Variants in CSKMT observed in about 807,000 individuals in gnomAD.
The protein encoded by CSKMT is citrate synthase-lysine N-methyltransferase CSKMT, mitochondrial.
Under a neutral mutation model 4.6 loss-of-function variants are expected in CSKMT, and 6 were observed. The observed-to-expected ratio is 1.31, with a 90% CI of 0.72 to 2.59. CSKMT has a LOEUF of 2.59. Ranked by LOEUF, CSKMT falls within the 30% of genes most tolerant of loss-of-function variation. The pLI, the probability that CSKMT is intolerant of heterozygous loss-of-function variation, is 0.00. For synonymous variants in CSKMT, 142 were observed against 128.9 expected (o/e 1.10, Z -0.69); for missense variants, 328 against 298.0 (o/e 1.10, Z -0.74).
At position 62,667,460 on chromosome 11, in the gene CSKMT, G is replaced by C. The variant is rs1251797706; in HGVS notation, c.*409G>C. On this transcript the variant is annotated 3_prime_UTR_variant, in exon 3 of 3. Coordinates refer to ENST00000532971, the MANE Select transcript of CSKMT (RefSeq NM_001043229.2). ...CACCTGTAAAAGGAGATTGTAAGAG[G>C]ATGGGTATAAGGAGCTTCATAAACC... The C allele has an allele frequency of 1.3e-6, 2 of 1,518,170 alleles. No homozygotes were observed. The highest frequency in any genetic ancestry group is 1.8e-6 in the Non-Finnish European group (2 of 1,093,178). 94.0% of individuals were successfully genotyped at this position (1,518,170 alleles called of 1,614,324 possible).
Position 62,665,674 on chromosome 11 carries a change from A to G in CSKMT, c.-206A>G. On this transcript the variant is annotated 5_prime_UTR_variant, in exon 2 of 3. Coordinates refer to ENST00000532971, the MANE Select transcript of CSKMT (RefSeq NM_001043229.2). ...CTGCGGACGCTGTATACCCTCCTCC[A>G]CTTCCCGCTGCAGCCAATAAAGGCC... 1 of 1,461,646 alleles carries G rather than the reference A, an allele frequency of 6.8e-7. No individual in the cohort carries two copies. The highest frequency in any genetic ancestry group is 9.0e-7 in the Non-Finnish European group (1 of 1,108,086). The allele number at this position is 1,461,646 out of a possible 1,614,324, so 90.5% of individuals were successfully genotyped here. A position where few individuals can be genotyped will look rare whatever the true frequency, so the allele number is the denominator to read the frequency against.
chr11:62,667,019 T>C lies in CSKMT; in HGVS notation c.691T>C (p.Tyr231His). The change falls in exon 3 of 3, where the codon TAC (tyrosine) becomes CAC (histidine). Residue 231 changes from tyrosine (Y) to histidine (H), a missense_variant. Physicochemically the swap from Tyr to His is moderately conservative, Grantham distance 83. Coordinates refer to ENST00000532971, the MANE Select transcript of CSKMT (RefSeq NM_001043229.2). ...QELGPFRGIT[Y>H]FAYLIQGSH ...GCTAGGCCCGTTCAGGGGCATCACCTACTTTGCTTACTTGATTCAAGGCTC... is the reference window on the plus strand; with the variant it reads ...GCTAGGCCCGTTCAGGGGCATCACCCACTTTGCTTACTTGATTCAAGGCTC... 2 of 1,607,788 alleles carry C rather than the reference T, an allele frequency of 1.2e-6. No homozygotes were observed. The highest frequency in any genetic ancestry group is 2.2e-5 in the South Asian group (2 of 90,562).
rs1944859170 is a variant in CSKMT at position 62,667,779 on chromosome 11, T to C, written c.*728T>C. 1 of 1,409,050 alleles carries C rather than the reference T, an allele frequency of 7.1e-7. No individual in the cohort carries two copies. The highest frequency in any genetic ancestry group is 1.0e-6 in the Non-Finnish European group (1 of 1,004,268). 87.3% of individuals were successfully genotyped at this position (1,409,050 alleles called of 1,614,324 possible). On this transcript the variant is annotated 3_prime_UTR_variant, in exon 3 of 3. Transcript: ENST00000532971. Reference sequence around the variant, plus strand: ...TGGAGGAAGAGAGGGGACAAAAATATTACTGATATATTATCAAATTACAAA... The same window carrying C: ...TGGAGGAAGAGAGGGGACAAAAATACTACTGATATATTATCAAATTACAAA...
chr11:62,665,385 G>GGTGCCGGGTGGAAGGCTCTGGGC (rs1565126074), intron 1 of CSKMT, 53 bp downstream of exon 1: 5 of 1,149,108 alleles, frequency 4.4e-6, no homozygotes, highest in African/African-American at 1.5e-5. Flanking sequence ...GAGTGGTGGG[G>GGTGCCGGGTGGAAGGCTCTGGGC]GTGCCGGGTG....
In CSKMT at chr11:62,665,334, T is replaced by C. The variant is rs951110387; in HGVS notation, c.-234+2T>C. 4.0e-6 allele frequency: 3 copies of C among 753,486 alleles called. No homozygotes were observed. Among genetic ancestry groups the C allele is most frequent in the African/African-American group, 3.5e-5 (2 of 57,362 alleles). The allele number at this position is 753,486 out of a possible 1,614,324, so 46.7% of individuals were successfully genotyped here. ...GGCCTTTCGGAGGGTGGTGAGCTAG[T>C]AAGTGTGGTTTTAGCTGTAGTAGCC... On this transcript the variant is annotated splice_donor_variant, in intron 1 of 2. Coordinates refer to ENST00000532971, the MANE Select transcript of CSKMT (RefSeq NM_001043229.2). LOFTEE classifies it low-confidence loss of function (5UTR_SPLICE).
Position 62,667,583 on chromosome 11 carries a change from G to C in CSKMT, c.*532G>C, listed in dbSNP as rs76660687. On this transcript the variant is annotated 3_prime_UTR_variant, in exon 3 of 3. Transcript: ENST00000532971. ...TCCACAAAGCCACTTCTACAAACAC[G>C]GGAGCCTGTTGAGTCCCAGAAGGGA... 4.1e-5 allele frequency: 66 copies of C among 1,614,120 alleles called. No homozygotes were observed. The East Asian group carries it at 1.5e-3, about 36-fold the overall frequency.
Position 62,665,869 on chromosome 11 carries a change from C to T in CSKMT, c.-11C>T, listed in dbSNP as rs376122030. On this transcript the variant is annotated 5_prime_UTR_variant, in exon 2 of 3. Transcript: ENST00000532971. Reference sequence around the variant, plus strand: ...ATAAGCTTCTCTGGTCGAACTTACCCGAATCTCCAGATGGCCGCGCTGCGT... The same window carrying T: ...ATAAGCTTCTCTGGTCGAACTTACCTGAATCTCCAGATGGCCGCGCTGCGT... 6.2e-7 allele frequency: 1 copy of T among 1,612,518 alleles called. No homozygotes were observed. The highest frequency in any genetic ancestry group is 8.5e-7 in the Non-Finnish European group (1 of 1,179,130).
intron 2 of CSKMT, 158 bp from the exon 3 acceptor site, chr11:62,666,238 A>G: frequency 1.2e-6 from 1 of 805,598 alleles, no homozygotes; most frequent in Non-Finnish European, 2.0e-6. Flanking sequence ...CAGGAGGCTG[A>G]GGTGGAGGCT....
intron 2 of CSKMT, 197 bp from the exon 3 acceptor site, chr11:62,666,199 G>A (rs779451309): frequency 1.4e-6 from 1 of 716,182 alleles, no homozygotes; most frequent in South Asian, 1.8e-5. Context: ...AATTAACCGG[G>A]CACGATGGCG....
Position 62,667,053 on chromosome 11 carries a change from G to C in CSKMT, c.*2G>C, listed in dbSNP as rs117916534. The C allele has an allele frequency of 0.026, 40,642 of 1,591,026 alleles. 576 individuals carry two copies. Among genetic ancestry groups the C allele is most frequent in the Non-Finnish European group, 0.029 (34,135 of 1,168,722 alleles). On this transcript the variant is annotated 3_prime_UTR_variant, in exon 3 of 3. Transcript: ENST00000532971. ...TACTTGATTCAAGGCTCTCATTAAA[G>C]ACATTTTAGTAGTCCTGACCCTAGT...
At position 62,667,115 on chromosome 11, in the gene CSKMT, T is replaced by C. The variant is rs1455655517; in HGVS notation, c.*64T>C. ...CAAGGAGAGGGCTGAAGAACTGTCTTTGCAAGCTATCTGGCTGCAAAGTGA... is the reference window on the plus strand; with the variant it reads ...CAAGGAGAGGGCTGAAGAACTGTCTCTGCAAGCTATCTGGCTGCAAAGTGA... On this transcript the variant is annotated 3_prime_UTR_variant, in exon 3 of 3. Coordinates refer to ENST00000532971, the MANE Select transcript of CSKMT (RefSeq NM_001043229.2). 1.4e-5 allele frequency: 21 copies of C among 1,476,550 alleles called. No individual in the cohort carries two copies. Among genetic ancestry groups the C allele is most frequent in the Non-Finnish European group, 1.7e-5 (19 of 1,098,916 alleles). The allele number at this position is 1,476,550 out of a possible 1,614,324, so 91.5% of individuals were successfully genotyped here. A position where few individuals can be genotyped will look rare whatever the true frequency, so the allele number is the denominator to read the frequency against.
chr11:62,665,714 C>T lies in CSKMT; in HGVS notation c.-166C>T, dbSNP rs1944788631. On this transcript the variant is annotated 5_prime_UTR_variant, in exon 2 of 3. Coordinates refer to ENST00000532971, the MANE Select transcript of CSKMT (RefSeq NM_001043229.2). ...CAATAAAGGCCGTTCCTACCATAGT[C>T]TGTGTCCGCGTTCTTTTTTCCGGGA... 6.8e-7 allele frequency: 1 copy of T among 1,462,862 alleles called. No homozygotes were observed. The highest frequency in any genetic ancestry group is 2.4e-5 in the Admixed American group (1 of 41,432). The allele number at this position is 1,462,862 out of a possible 1,614,324, so 90.6% of individuals were successfully genotyped here.
chr11:62,666,555 C>G lies in CSKMT; in HGVS notation c.227C>G (p.Pro76Arg). The change falls in exon 3 of 3, where the codon CCT (proline) becomes CGT (arginine). Residue 76 changes from proline to arginine, a missense_variant. Coordinates refer to ENST00000532971, the MANE Select transcript of CSKMT (RefSeq NM_001043229.2). ...CTGCAGGAGGCACAGGCTGCCAGTC[C>G]TCTGCGAGTGCTGGATGTGGGCTGT... ...PLLQEAQAASPLRVLDVGCGT... is the reference protein window; with the variant it reads ...PLLQEAQAASRLRVLDVGCGT... The G allele has an allele frequency of 6.2e-7, 1 of 1,614,194 alleles. No homozygotes were observed. Among genetic ancestry groups the G allele is most frequent in the Non-Finnish European group, 8.5e-7 (1 of 1,180,038 alleles).
At chr11:62,665,413 T>C in intron 1 of CSKMT, 81 bp downstream of exon 1, 1 of 1,451,350 alleles carries the variant, frequency 6.9e-7, no homozygotes, top group Non-Finnish European at 9.4e-7. Flanking sequence ...CTGGGCGGGG[T>C]CTCAGGACCC....
rs1180821422 is a variant in CSKMT, at chr11:62,667,002, C to T, written c.674C>T (p.Pro225Leu). Residue 225 changes from proline to leucine, a missense_variant, in exon 3 of 3, where the codon CCG becomes CTG. Coordinates refer to ENST00000532971, the MANE Select transcript of CSKMT (RefSeq NM_001043229.2). ...ACTGTGACTGTGCAGGAGCTAGGCCCGTTCAGGGGCATCACCTACTTTGCT... is the reference window on the plus strand; with the variant it reads ...ACTGTGACTGTGCAGGAGCTAGGCCTGTTCAGGGGCATCACCTACTTTGCT... ...GWTVTVQELG[P>L]FRGITYFAYL... The T allele has an allele frequency of 1.7e-5, 27 of 1,612,350 alleles. No homozygotes were observed. Among genetic ancestry groups the T allele is most frequent in the Middle Eastern group, 1.7e-4 (1 of 6,050 alleles).
Position 62,665,622 on chromosome 11 carries a change from C to T in CSKMT, c.-233-25C>T, listed in dbSNP as rs534609307. 77 of 1,535,894 alleles carry T rather than the reference C, an allele frequency of 5.0e-5. No homozygotes were observed. In the Middle Eastern group the frequency reaches 1.0e-3, roughly 21 times the overall value. On this transcript the variant is annotated intron_variant, in intron 1 of 2. Coordinates refer to ENST00000532971, the MANE Select transcript of CSKMT (RefSeq NM_001043229.2). ...TCCAGCTGGCTCCTCCATCGGGGTG[C>T]TCACACTTTCTCATTTGATTTCAGG...
At position 62,666,376 on chromosome 11, in the gene CSKMT, C is replaced by G. The variant is rs376660938; in HGVS notation, c.68-20C>G. The G allele has an allele frequency of 3.7e-6, 6 of 1,604,502 alleles. No homozygotes were observed. In the African/African-American group the frequency reaches 8.0e-5, roughly 21 times the overall value. On this transcript the variant is annotated intron_variant, in intron 2 of 2. Coordinates refer to ENST00000532971, the MANE Select transcript of CSKMT (RefSeq NM_001043229.2). Reference sequence around the variant, plus strand: ...CAGTGGCGACATAGACCAAGTGACACCCTCCAACCGTGCCCACAGGCTCAC... The same window carrying G: ...CAGTGGCGACATAGACCAAGTGACAGCCTCCAACCGTGCCCACAGGCTCAC...
Position 62,666,440 on chromosome 11 carries a change from CGGCTGCATGCCCAGCCTCGTTTG to C in CSKMT, c.116_138del (p.Leu39HisfsTer72). 6.2e-7 allele frequency: 1 copy of C among 1,612,816 alleles called. No individual in the cohort carries two copies. The highest frequency in any genetic ancestry group is 8.5e-7 in the Non-Finnish European group (1 of 1,180,026). ...CCTGGCGGACCGCTGTCTCTGGGAT[CGGCTGCATGCCCAGCCTCGTTTG>C]GGCACTGTCCCCACCTTCGACTGGT... is the stretch of plus-strand genomic sequence containing the variant. On this transcript the variant is annotated frameshift_variant, in exon 3 of 3. Coordinates refer to ENST00000532971, the MANE Select transcript of CSKMT (RefSeq NM_001043229.2). LOFTEE classifies it low-confidence loss of function (END_TRUNC).
Position 62,667,286 on chromosome 11 carries a change from T to C in CSKMT, c.*235T>C, listed in dbSNP as rs1207948962. 1 of 638,212 alleles carries C rather than the reference T, an allele frequency of 1.6e-6. No individual in the cohort carries two copies. Among genetic ancestry groups the C allele is most frequent in the Non-Finnish European group, 2.7e-6 (1 of 369,064 alleles). The allele number at this position is 638,212 out of a possible 1,614,324, so 39.5% of individuals were successfully genotyped here. A position where few individuals can be genotyped will look rare whatever the true frequency, so the allele number is the denominator to read the frequency against. On this transcript the variant is annotated 3_prime_UTR_variant, in exon 3 of 3. Transcript: ENST00000532971. ...GATGTGCGCAATATTTAGCACAAAA[T>C]GAATGCTGAAAAGAGAAGGTACAAT...
Sources: gnomAD v4.1 joint callset for allele counts on GRCh38, gnomAD v4.1.1 for gene constraint, MANE v1.5 for transcripts, NCBI Gene and HGNC (gene_info 2026-07-23, HGNC 2026-07-21) for gene names.